LTBP1: variants seen among roughly 807,000 people sequenced by gnomAD.
The protein encoded by LTBP1 is latent transforming growth factor beta binding protein 1.
In LTBP1, 129 loss-of-function variants were observed where a neutral mutation model predicts 207.6. The observed-to-expected ratio is 0.62, with a 90% CI of 0.54 to 0.72. The LOEUF (loss-of-function observed/expected upper bound fraction) is 0.72, where lower values mean the gene tolerates loss of function less well. LTBP1 is among the 30% of genes least tolerant of loss of function. The pLI, the probability that LTBP1 is intolerant of heterozygous loss-of-function variation, is 0.00. For missense variants in LTBP1, 2,281 were observed against 2,217.2 expected, an observed-to-expected ratio of 1.03 and a Z score of -0.58; for synonymous variants, 963 against 833.7, an observed-to-expected ratio of 1.16 and a Z score of -2.67.
At chr2:33,171,171 G>A (rs1304327729) in intron 5 of LTBP1, among the ~76,000 whole-genome samples, 2 of 129,702 alleles carry the variant, frequency 1.5e-5, no homozygotes, top group Admixed American at 8.0e-5. Context: ...TGACTTTGAC[G>A]AGTTGAGAGA....
chr2:33,259,922 C>T (rs1308953906), intron 13 of LTBP1, among the ~76,000 whole-genome samples: 1 of 152,172 alleles, frequency 6.6e-6, no homozygotes, highest in Non-Finnish European at 1.5e-5. Flanking sequence ...AATTCAATGT[C>T]ACCTGATGGC....
chr2:33,023,179 G>A (rs575567110), intron 3 of LTBP1, among the ~76,000 whole-genome samples: 14 of 152,266 alleles, frequency 9.2e-5, no homozygotes, highest in East Asian at 1.9e-4. Context: ...ATGCTTTGGC[G>A]ATCAAGAGTC....
rs191741141 is a variant in LTBP1 at position 33,134,463 on chromosome 2, G to C, written c.1034-330G>C. On this transcript the variant is annotated intron_variant, in intron 4 of 33. Coordinates refer to ENST00000404816, the MANE Select transcript of LTBP1 (RefSeq NM_206943.4). This position sits in a 1 kb window ranked among gnomAD's most constrained non-coding sequence, Gnocchi z 4.4. ...TGGCTCTTTAATCTGTCGTGCCCTC[G>C]GTATTGCTCTTTGTCTGCCCGTGAA... is the stretch of plus-strand genomic sequence containing the variant. 1.0e-6 allele frequency: 1 copy of C among 994,162 alleles called. No homozygotes were observed. Among genetic ancestry groups the C allele is most frequent in the Non-Finnish European group, 1.5e-6 (1 of 681,198 alleles). The allele number at this position is 994,162 out of a possible 1,614,324, so 61.6% of individuals were successfully genotyped here.
At chr2:33,010,939 C>T (rs1392958935) in intron 2 of LTBP1, among the ~76,000 whole-genome samples, 4 of 151,952 alleles carry the variant, frequency 2.6e-5, no homozygotes, top group South Asian at 4.1e-4. Flanking sequence ...AGGATGGTCT[C>T]GATCTCTTGA....
At chr2:33,265,605 G>A (rs1179982477) in intron 15 of LTBP1, among the ~76,000 whole-genome samples, 1 of 152,028 alleles carries the variant, frequency 6.6e-6, no homozygotes, top group African/African-American at 2.4e-5. Context: ...ATAAAAAACT[G>A]AATGATATAG....
intron 9 of LTBP1, among the ~76,000 whole-genome samples, chr2:33,222,567 T>G (rs1279072971): frequency 6.6e-6 from 1 of 152,228 alleles, no homozygotes; most frequent in African/African-American, 2.4e-5. Context: ...ATCAAAATGT[T>G]GTTGGTCATC....
chr2:33,316,943 T>C (rs2094282755), intron 24 of LTBP1, among the ~76,000 whole-genome samples: 2 of 152,176 alleles, frequency 1.3e-5, no homozygotes, highest in African/African-American at 4.8e-5. Context: ...GTATAACTAC[T>C]GATGGTTGTG....
intron 3 of LTBP1, among the ~76,000 whole-genome samples, chr2:33,024,275 C>T (rs541967436): frequency 6.6e-6 from 1 of 152,222 alleles, no homozygotes; most frequent in East Asian, 1.9e-4. Context: ...AATAAAACTG[C>T]ATTAGCAGAT....
chr2:33,251,852 T>G (rs1012163485), intron 10 of LTBP1, among the ~76,000 whole-genome samples: 11 of 152,002 alleles, frequency 7.2e-5, no homozygotes, highest in Non-Finnish European at 1.2e-4. Flanking sequence ...TAGAATACAC[T>G]CCATCCATAT....
In LTBP1 at chr2:33,342,878, C is replaced by T. The variant is rs559633835; in HGVS notation, c.3771C>T (p.His1257=). The T allele has an allele frequency of 6.0e-5, 97 of 1,614,074 alleles. No individual in the cohort carries two copies. The highest frequency in any genetic ancestry group is 3.2e-4 in the South Asian group (29 of 91,068). The change falls in exon 25 of 34, where the codon CAC becomes CAT. Residue 1257 remains histidine, a synonymous_variant. Transcript: ENST00000404816. The part of the protein sequence containing the change: ...ECVNNTVCDS[H]GFCDNTAGSF... ...TAAACAACACTGTTTGTGACAGTCA[C>T]GGGTTTTGTGACAATACAGCTGGCT... is the stretch of plus-strand genomic sequence containing the variant.
rs6736870 is a variant in LTBP1, at chr2:33,180,181, G to A, written c.1202-6675G>A. ...TAACTCTGGTTTTTTGATGGAGTCC[G>A]AGTCAGTATAAGTTAACAGACAGAT... On this transcript the variant is annotated intron_variant, in intron 5 of 33. Transcript: ENST00000404816. Among the ~76,000 whole-genome samples, 1,208 of 152,236 alleles carry A rather than the reference G, an allele frequency of 7.9e-3. 15 individuals carry two copies. Among genetic ancestry groups the A allele is most frequent in the African/African-American group, 0.028 (1,144 of 41,530 alleles).
chr2:33,121,685 G>T (rs2081132179), intron 4 of LTBP1, among the ~76,000 whole-genome samples: 1 of 152,144 alleles, frequency 6.6e-6, no homozygotes, highest in Admixed American at 6.5e-5. Context: ...AGAAGGTTAC[G>T]GCGTAATCCT....
chr2:33,241,369 G>A (rs546640185), intron 9 of LTBP1, among the ~76,000 whole-genome samples: 11 of 152,262 alleles, frequency 7.2e-5, no homozygotes, highest in Non-Finnish European at 1.3e-4. Flanking sequence ...GTTTTCTTCC[G>A]TCTGAATTCC....
At chr2:32,950,267 C>T (rs1300427873) in intron 2 of LTBP1, among the ~76,000 whole-genome samples, 1 of 152,046 alleles carries the variant, frequency 6.6e-6, no homozygotes, top group Non-Finnish European at 1.5e-5. Flanking sequence ...GTTAAAAATA[C>T]GGAATAGGGC....
intron 2 of LTBP1, among the ~76,000 whole-genome samples, chr2:33,009,484 G>C (rs1687381561): frequency 6.6e-6 from 1 of 152,156 alleles, no homozygotes; most frequent in Non-Finnish European, 1.5e-5. Context: ...TTTATGAAAA[G>C]GGGATATTTC....
chr2:33,153,578 G>T (rs1434283248), intron 5 of LTBP1, among the ~76,000 whole-genome samples: 3 of 152,126 alleles, frequency 2.0e-5, no homozygotes, highest in Non-Finnish European at 4.4e-5. Context: ...GAGCCGCGAA[G>T]GATCTAAATT....
At chr2:33,109,555 T>C (rs1015385649) in intron 3 of LTBP1, among the ~76,000 whole-genome samples, 11 of 152,224 alleles carry the variant, frequency 7.2e-5, no homozygotes, top group African/African-American at 2.4e-4. Context: ...TGGAAGAGAA[T>C]TGTCACAGAA....
chr2:32,946,956 G>A lies in LTBP1; in HGVS notation c.-369G>A, dbSNP rs1158400972. ...ACTTCGCCGCCGGGGCTGCCTCGGA[G>A]TGTCCCGCGCGCTCTCGCTCGCTCT... On this transcript the variant is annotated 5_prime_UTR_variant, in exon 1 of 34. The change creates a new upstream start codon in the 5' untranslated region. Coordinates refer to ENST00000404816, the MANE Select transcript of LTBP1 (RefSeq NM_206943.4). 1 of 176,470 alleles carries A rather than the reference G, an allele frequency of 5.7e-6. No individual in the cohort carries two copies. The highest frequency in any genetic ancestry group is 1.2e-5 in the Non-Finnish European group (1 of 84,394). 10.9% of individuals were successfully genotyped at this position (176,470 alleles called of 1,614,324 possible). A position where few individuals can be genotyped will look rare whatever the true frequency, so the allele number is the denominator to read the frequency against.
intron 7 of LTBP1, among the ~76,000 whole-genome samples, chr2:33,210,900 G>A (rs979796555): frequency 9.2e-5 from 14 of 152,178 alleles, no homozygotes; most frequent in South Asian, 2.1e-4. Flanking sequence ...TCTTGCAAGA[G>A]TTACAATGAA....
Sources: gnomAD v4.1 joint callset for allele counts (sites outside exome capture counted in the v4.1 genomes callset) on GRCh38, gnomAD v4.1.1 for gene constraint, Gnocchi (gnomAD v3.1) non-coding constraint, MANE v1.5 for transcripts, NCBI Gene and HGNC (gene_info 2026-07-23, HGNC 2026-07-21) for gene names.